SHANK2: variants seen among roughly 807,000 people sequenced by gnomAD.
The protein encoded by SHANK2 is SH3 and multiple ankyrin repeat domains protein 2.
SHANK2 carries 43 observed loss-of-function variants against 133.7 expected under a neutral mutation model. The observed-to-expected ratio is 0.32, with a 90% CI of 0.25 to 0.41. SHANK2 has a LOEUF of 0.41. SHANK2 is among the 10% of genes least tolerant of loss of function. The pLI, the probability that SHANK2 is intolerant of heterozygous loss-of-function variation, is 1.00. For synonymous variants in SHANK2, 1,017 were observed against 952.8 expected, an observed-to-expected ratio of 1.07 and a Z score of -1.24; for missense variants, 1,994 against 2,235.8, an observed-to-expected ratio of 0.89 and a Z score of 2.18.
At chr11:70,799,402 C>CAAAAAAAAA (rs532517391) in intron 13 of SHANK2, among the ~76,000 whole-genome samples, 1 of 146,782 alleles carries the variant, frequency 6.8e-6, no homozygotes, top group East Asian at 2.0e-4. Context: ...GACTCCATCT[C>CAAAAAAAAA]AAAAAAAAAA....
intron 17 of SHANK2, among the ~76,000 whole-genome samples, chr11:70,522,159 C>T (rs1234147730): frequency 1.3e-5 from 2 of 152,208 alleles, no homozygotes; most frequent in African/African-American, 4.8e-5. Flanking sequence ...ACCACAGCCC[C>T]GCTCCAGCTT....
chr11:70,638,766 G>A (rs1555005241), intron 17 of SHANK2, among the ~76,000 whole-genome samples: 1 of 152,142 alleles, frequency 6.6e-6, no homozygotes, highest in Non-Finnish European at 1.5e-5. Flanking sequence ...CAGCACTTTA[G>A]AAGGCCGAGG....
intron 10 of SHANK2, chr11:70,948,481 G>T (rs1950787247): frequency 4.7e-6 from 2 of 426,422 alleles, no homozygotes. Flanking sequence ...GGTTACCCAG[G>T]TTTCTACGCC....
At chr11:71,065,990 G>GT in intron 9 of SHANK2, among the ~76,000 whole-genome samples, 1 of 137,880 alleles carries the variant, frequency 7.3e-6, no homozygotes, top group Non-Finnish European at 1.5e-5. Flanking sequence ...AAGTTGGGAG[G>GT]GGAGTACAGA....
intron 17 of SHANK2, among the ~76,000 whole-genome samples, chr11:70,527,449 G>C (rs1162198284): frequency 6.6e-6 from 1 of 152,148 alleles, no homozygotes; most frequent in African/African-American, 2.4e-5. Flanking sequence ...GGCTCAGGTG[G>C]GGCCTGATTC....
At chr11:70,848,331 G>T (rs371053454) in intron 11 of SHANK2, among the ~76,000 whole-genome samples, 35 of 152,330 alleles carry the variant, frequency 2.3e-4, no homozygotes, top group African/African-American at 7.5e-4. Flanking sequence ...ATTGTGGGGT[G>T]GGGGGTTTGA....
chr11:70,916,393 C>T (rs149554998), intron 10 of SHANK2, among the ~76,000 whole-genome samples: 9 of 152,112 alleles, frequency 5.9e-5, no homozygotes, highest in Non-Finnish European at 1.3e-4. Flanking sequence ...CATCACATGG[C>T]CACACAGTGG....
chr11:71,159,039 C>T (rs1427858469), intron 2 of SHANK2, among the ~76,000 whole-genome samples: 20 of 152,240 alleles, frequency 1.3e-4, no homozygotes, highest in Non-Finnish European at 2.5e-4. Flanking sequence ...ATTCTGGCTT[C>T]TCAATAAATG....
intron 13 of SHANK2, among the ~76,000 whole-genome samples, chr11:70,802,190 A>G (rs1555050698): frequency 6.6e-6 from 1 of 152,114 alleles, no homozygotes; most frequent in Non-Finnish European, 1.5e-5. Flanking sequence ...TGTCTGCTCC[A>G]ACACAGACGA....
intron 14 of SHANK2, among the ~76,000 whole-genome samples, chr11:70,757,667 G>A (rs1486903169): frequency 1.3e-5 from 2 of 152,210 alleles, no homozygotes; most frequent in Admixed American, 1.3e-4. Flanking sequence ...CAAGGAGAGA[G>A]GGAGGGGGCT....
intron 3 of SHANK2, among the ~76,000 whole-genome samples, chr11:71,139,514 A>AAAAT (rs1342330712): frequency 7.2e-5 from 11 of 152,104 alleles, no homozygotes; most frequent in South Asian, 2.1e-4. Context: ...ATAATAAAAT[A>AAAAT]AAATAAATAA....
chr11:70,684,720 C>A (rs1555019102), intron 15 of SHANK2, among the ~76,000 whole-genome samples: 1 of 151,882 alleles, frequency 6.6e-6, no homozygotes, highest in Non-Finnish European at 1.5e-5. Flanking sequence ...CAGTGTGACT[C>A]AGTGAGTGCC....
At chr11:70,881,721 T>G (rs1355287725) in intron 11 of SHANK2, among the ~76,000 whole-genome samples, 1 of 110,218 alleles carries the variant, frequency 9.1e-6, no homozygotes, top group Non-Finnish European at 1.8e-5. Context: ...TACTAGATCC[T>G]TTGGCTTTAA....
At chr11:70,710,939 C>CT (rs1362054386) in intron 14 of SHANK2, among the ~76,000 whole-genome samples, 39 of 152,186 alleles carry the variant, frequency 2.6e-4, no homozygotes, top group Non-Finnish European at 4.6e-4. Flanking sequence ...CTTCACAGAT[C>CT]TTTTTTTTCT....
intron 8 of SHANK2, among the ~76,000 whole-genome samples, chr11:71,092,216 C>G (rs560725498): frequency 3.2e-4 from 48 of 152,330 alleles, no homozygotes; most frequent in African/African-American, 9.1e-4. Context: ...ATGTCTATTT[C>G]TATGCAAATG....
intron 10 of SHANK2, among the ~76,000 whole-genome samples, chr11:70,899,400 C>T (rs373547665): frequency 1.4e-4 from 21 of 152,190 alleles, no homozygotes; most frequent in Non-Finnish European, 2.1e-4. Flanking sequence ...CCCAGCCATG[C>T]GGAACTGTGT....
chr11:70,938,234 T>G (rs1353623952), intron 10 of SHANK2, among the ~76,000 whole-genome samples: 1 of 152,032 alleles, frequency 6.6e-6, no homozygotes, highest in East Asian at 1.9e-4. Flanking sequence ...TCACTGTATG[T>G]GTGGGTGTGG....
chr11:71,123,881 T>C (rs1555102015), intron 3 of SHANK2, among the ~76,000 whole-genome samples: 1 of 152,066 alleles, frequency 6.6e-6, no homozygotes, highest in African/African-American at 2.4e-5. Flanking sequence ...CACAGGGTCC[T>C]ATACCAGCAC....
At chr11:71,190,560 A>C (rs1165152294) in intron 2 of SHANK2, among the ~76,000 whole-genome samples, 1 of 152,204 alleles carries the variant, frequency 6.6e-6, no homozygotes, top group Non-Finnish European at 1.5e-5. Context: ...ATGGGGAACA[A>C]GAGAAAGTGC....
Sources: gnomAD v4.1 joint callset for allele counts (sites outside exome capture counted in the v4.1 genomes callset) on GRCh38, gnomAD v4.1.1 for gene constraint, MANE v1.5 for transcripts, NCBI Gene and HGNC (gene_info 2026-07-23, HGNC 2026-07-21) for gene names.